The following CD109 variants were observed in gnomAD, a reference collection of about 807,000 sequenced individuals.
The protein encoded by CD109 is CD109 antigen.
In CD109, 149 loss-of-function variants were observed where a neutral mutation model predicts 165.8. That is an observed-to-expected ratio of 0.90 (90% CI 0.79 to 1.03). The LOEUF (loss-of-function observed/expected upper bound fraction) is 1.03, where lower values mean the gene tolerates loss of function less well. Ranked by LOEUF, CD109 falls within the 50% of genes least tolerant of loss-of-function variation. The probability of loss-of-function intolerance (pLI) is 0.00; values close to 1 mark genes in which losing one functional copy is unlikely to be tolerated. For synonymous variants in CD109, 585 were observed against 592.1 expected, an observed-to-expected ratio of 0.99 and a Z score of 0.18; for missense variants, 1,712 against 1,677.8, an observed-to-expected ratio of 1.02 and a Z score of -0.36.
intron 2 of CD109, among the ~76,000 whole-genome samples, chr6:73,717,855 G>A (rs1188134963): frequency 6.6e-6 from 1 of 151,586 alleles, no homozygotes; most frequent in African/African-American, 2.4e-5. Context: ...TCCTGACCTC[G>A]TGATCCGCCC....
chr6:73,810,412 C>T (rs1328904751), intron 27 of CD109, among the ~76,000 whole-genome samples: 3 of 151,538 alleles, frequency 2.0e-5, no homozygotes, highest in African/African-American at 7.3e-5. Context: ...TTTTTCTCCT[C>T]ATTACTATGA....
intron 25 of CD109, 97 bp downstream of exon 25, chr6:73,807,169 G>C: frequency 2.4e-6 from 2 of 846,606 alleles, no homozygotes; most frequent in Non-Finnish European, 3.8e-6. Context: ...ACAAGTTGCA[G>C]CTTTACAACA....
intron 32 of CD109, 54 bp downstream of exon 32, chr6:73,820,617 C>A: frequency 9.2e-7 from 1 of 1,091,654 alleles, no homozygotes; most frequent in Non-Finnish European, 1.4e-6. Flanking sequence ...GGCATTCATT[C>A]ATTTATTGGA....
chr6:73,737,186 A>G (rs535011010), intron 5 of CD109, among the ~76,000 whole-genome samples: 1 of 152,220 alleles, frequency 6.6e-6, no homozygotes, highest in Non-Finnish European at 1.5e-5. Context: ...ATATTTTTCT[A>G]TATTTATGTG....
In CD109 at chr6:73,762,814, C is replaced by G. The variant is rs999329170; in HGVS notation, c.929C>G (p.Ser310Cys). ...GTAATGGATTCTTCAAATGGACTTT[C>G]TGAATACCTGGATCTATCTTCCCCT... ...KNVMDSSNGL[S>C]EYLDLSSPGP... is the part of the protein sequence containing the mutation. The change falls in exon 9 of 33, where the codon TCT (serine) becomes TGT (cysteine). Residue 310 changes from serine (S) to cysteine (C), a missense_variant. Physicochemically the swap from Ser to Cys is moderately radical, Grantham distance 112 (BLOSUM62 -1). Coordinates refer to ENST00000287097, the MANE Select transcript of CD109 (RefSeq NM_133493.5). The G allele has an allele frequency of 2.5e-6, 4 of 1,611,738 alleles. No homozygotes were observed. Among genetic ancestry groups the G allele is most frequent in the Non-Finnish European group, 3.4e-6 (4 of 1,178,382 alleles).
chr6:73,778,149 T>C (rs1009891961), intron 15 of CD109, among the ~76,000 whole-genome samples: 3 of 152,192 alleles, frequency 2.0e-5, no homozygotes, highest in Non-Finnish European at 2.9e-5. Context: ...TGTTCTTAAG[T>C]ATTTTATCTT....
chr6:73,810,670 TA>T (rs1377284293), intron 27 of CD109, among the ~76,000 whole-genome samples: 7 of 138,260 alleles, frequency 5.1e-5, no homozygotes, highest in Non-Finnish European at 1.1e-4. Context: ...CATTGTGGTA[TA>T]AAAAAATCAT....
intron 23 of CD109, among the ~76,000 whole-genome samples, chr6:73,802,613 A>G (rs1424184683): frequency 1.3e-5 from 2 of 151,808 alleles, no homozygotes; most frequent in East Asian, 3.9e-4. Context: ...GTCTGCCTTT[A>G]ATTTGCTTGC....
At chr6:73,819,939 A>C (rs1033897464) in intron 31 of CD109, among the ~76,000 whole-genome samples, 4 of 144,868 alleles carry the variant, frequency 2.8e-5, no homozygotes, top group African/African-American at 1.1e-4. Flanking sequence ...GGAATTTACT[A>C]ATTTCTGATT....
At chr6:73,757,018 C>T (rs967084397) in intron 6 of CD109, among the ~76,000 whole-genome samples, 3 of 151,992 alleles carry the variant, frequency 2.0e-5, no homozygotes, top group African/African-American at 7.2e-5. Context: ...CCATATTTTT[C>T]ATTTGATTGA....
intron 2 of CD109, among the ~76,000 whole-genome samples, chr6:73,707,962 T>TTTTA (rs1170116959): frequency 7.9e-6 from 1 of 126,820 alleles, no homozygotes; most frequent in African/African-American, 3.3e-5. Flanking sequence ...ATTGTTATCT[T>TTTTA]TATATATATA....
intron 18 of CD109, among the ~76,000 whole-genome samples, chr6:73,783,199 C>T (rs1358979295): frequency 2.0e-5 from 3 of 152,180 alleles, no homozygotes; most frequent in Non-Finnish European, 4.4e-5. Flanking sequence ...AAGAATTCAG[C>T]TTGGCTGATA....
rs1389232423 is a variant in CD109, at chr6:73,787,375, C to T, written c.2479C>T (p.Leu827=). 6.2e-7 allele frequency: 1 copy of T among 1,614,092 alleles called. No individual in the cohort carries two copies. The highest frequency in any genetic ancestry group is 8.5e-7 in the Non-Finnish European group (1 of 1,179,958). The change falls in exon 21 of 33, where the codon CTG becomes TTG. Residue 827 remains leucine (L), a synonymous_variant. Transcript: ENST00000287097. ...TVLFPIRPTH[L]GEIPITVTAL... ...TCTTTTTCCCATCAGGCCAACACAT[C>T]TGGGAGAAATTCCTATCACAGTCAC...
In CD109 at chr6:73,696,299, T is replaced by TG; in HGVS notation, c.74+13dup. 5 of 1,496,454 alleles carry TG rather than the reference T, an allele frequency of 3.3e-6. No homozygotes were observed. The highest frequency in any genetic ancestry group is 4.4e-6 in the Non-Finnish European group (5 of 1,131,998). 92.7% of individuals were successfully genotyped at this position (1,496,454 alleles called of 1,614,324 possible). A position where few individuals can be genotyped will look rare whatever the true frequency, so the allele number is the denominator to read the frequency against. On this transcript the variant is annotated intron_variant, in intron 1 of 32. Coordinates refer to ENST00000287097, the MANE Select transcript of CD109 (RefSeq NM_133493.5). ...TGGCCGTGGCTCCCGGGTAGGAACG[T>TG]GGGCGCGCGGGGGGCGCGCGGGCGC...
At chr6:73,760,434 A>G (rs1374484228) in intron 7 of CD109, among the ~76,000 whole-genome samples, 2 of 150,058 alleles carry the variant, frequency 1.3e-5, no homozygotes, top group African/African-American at 5.0e-5. Flanking sequence ...AAAAAAAAAA[A>G]AAGCCTTTCT....
At chr6:73,766,915 G>GATAT in intron 12 of CD109, 33 bp from the exon 13 acceptor site, 1 of 1,610,482 alleles carries the variant, frequency 6.2e-7, no homozygotes, top group Non-Finnish European at 8.5e-7. Flanking sequence ...TCTTGCTTTT[G>GATAT]ATATGTACAT....
chr6:73,823,371 AG>A (rs1307694731), intron 32 of CD109, 86 bp from the exon 33 acceptor site: 47 of 974,818 alleles, frequency 4.8e-5, no homozygotes, highest in Non-Finnish European at 5.8e-5. Context: ...AACTCAGAAA[AG>A]TGTATCGAAA....
chr6:73,772,403 G>C (rs1010265585), intron 15 of CD109, among the ~76,000 whole-genome samples: 1 of 151,506 alleles, frequency 6.6e-6, no homozygotes, highest in Non-Finnish European at 1.5e-5. Context: ...TACTCGGGAG[G>C]CTGAGGCAGG....
rs571975975 is a variant in CD109, at chr6:73,740,661, C to T, written c.633+4153C>T. Reference sequence around the variant, plus strand: ...TTTTGCCCAGGCCGTGGTGTGATCTCGGCTCACTGAAACCTCCACATCCCA... The same window carrying T: ...TTTTGCCCAGGCCGTGGTGTGATCTTGGCTCACTGAAACCTCCACATCCCA... On this transcript the variant is annotated intron_variant, in intron 5 of 32. Coordinates refer to ENST00000287097, the MANE Select transcript of CD109 (RefSeq NM_133493.5). Among the ~76,000 whole-genome samples, 19 of 147,704 alleles carry T rather than the reference C, an allele frequency of 1.3e-4. 1 individual carries two copies. The East Asian group carries it at 1.6e-3, about 12-fold the overall frequency.
Sources: allele counts gnomAD v4.1 joint callset (sites outside exome capture counted in the v4.1 genomes callset), GRCh38; gene constraint gnomAD v4.1.1; transcripts MANE v1.5; gene names NCBI Gene and HGNC (gene_info 2026-07-23, HGNC 2026-07-21).